Variants in ADGRB3 observed in about 807,000 individuals in gnomAD.
The protein encoded by ADGRB3 is brain-specific angiogenesis inhibitor 3.
In ADGRB3, 37 loss-of-function variants were observed where a neutral mutation model predicts 193.4. That is an observed-to-expected ratio of 0.19 (90% CI 0.15 to 0.25). The LOEUF (loss-of-function observed/expected upper bound fraction) is 0.25. Ranked by LOEUF, ADGRB3 falls within the 10% of genes least tolerant of loss-of-function variation. The probability of loss-of-function intolerance (pLI) is 1.00; values close to 1 mark genes in which losing one functional copy is unlikely to be tolerated. For synonymous variants in ADGRB3, 690 were observed against 644.2 expected (o/e 1.07, Z -1.08); for missense variants, 1,637 against 1,852.9 (o/e 0.88, Z 2.14).
chr6:68,797,018 C>T (rs1261310624), intron 3 of ADGRB3, among the ~76,000 whole-genome samples: 3 of 152,092 alleles, frequency 2.0e-5, no homozygotes, highest in Non-Finnish European at 2.9e-5. Context: ...TGGGAGAGGG[C>T]ATTCTATGGT....
intron 3 of ADGRB3, among the ~76,000 whole-genome samples, chr6:68,765,775 C>T (rs1401745604): frequency 6.6e-6 from 1 of 151,890 alleles, no homozygotes; most frequent in Non-Finnish European, 1.5e-5. Flanking sequence ...TGCCTCTTTT[C>T]CTATAGTATG....
intron 3 of ADGRB3, among the ~76,000 whole-genome samples, chr6:68,657,851 A>G (rs1346242226): frequency 1.3e-5 from 2 of 151,402 alleles, no homozygotes; most frequent in African/African-American, 2.4e-5. Context: ...GTATTTGATT[A>G]ATTAAACACA....
intron 3 of ADGRB3, among the ~76,000 whole-genome samples, chr6:68,759,178 A>G (rs1235249774): frequency 6.6e-6 from 1 of 152,142 alleles, no homozygotes; most frequent in Non-Finnish European, 1.5e-5. Context: ...GGGATATTTA[A>G]ATATGCTTTA....
chr6:68,887,821 C>G (rs1236555723), intron 3 of ADGRB3, among the ~76,000 whole-genome samples: 1 of 152,030 alleles, frequency 6.6e-6, no homozygotes, highest in Non-Finnish European at 1.5e-5. Context: ...AGTGGCTGCC[C>G]TATATTGCCA....
chr6:69,022,750 A>AG (rs1374832460), intron 13 of ADGRB3, among the ~76,000 whole-genome samples: 1 of 152,048 alleles, frequency 6.6e-6, no homozygotes, highest in African/African-American at 2.4e-5. Context: ...ATAGCATAAA[A>AG]CAAATAACAT....
chr6:68,812,159 T>C (rs1357918040), intron 3 of ADGRB3, among the ~76,000 whole-genome samples: 2 of 152,178 alleles, frequency 1.3e-5, no homozygotes, highest in Non-Finnish European at 2.9e-5. Flanking sequence ...TAGATTAACC[T>C]GATTACTGCA....
At chr6:68,916,558 C>T (rs1582312766) in intron 3 of ADGRB3, among the ~76,000 whole-genome samples, 1 of 152,096 alleles carries the variant, frequency 6.6e-6, no homozygotes, top group African/African-American at 2.4e-5. Flanking sequence ...AAAAACCAAA[C>T]AAAACACAGG....
At chr6:69,024,172 T>C (rs892442042) in intron 13 of ADGRB3, among the ~76,000 whole-genome samples, 2 of 152,048 alleles carry the variant, frequency 1.3e-5, no homozygotes, top group Admixed American at 6.6e-5. Flanking sequence ...TCAAAGTTGG[T>C]GTCAGAGTAA....
At chr6:69,362,801 T>G (rs1769480958) in intron 29 of ADGRB3, among the ~76,000 whole-genome samples, 1 of 151,984 alleles carries the variant, frequency 6.6e-6, no homozygotes, top group Admixed American at 6.6e-5. Context: ...GTTTCTTTAT[T>G]TGTAACTTGC....
chr6:69,080,170 C>A (rs527935874), intron 17 of ADGRB3, among the ~76,000 whole-genome samples: 2 of 152,140 alleles, frequency 1.3e-5, no homozygotes, highest in Non-Finnish European at 2.9e-5. Flanking sequence ...TAACTCCTAG[C>A]AAATATAAAA....
At chr6:69,233,821 C>CA (rs1766204418) in intron 18 of ADGRB3, among the ~76,000 whole-genome samples, 2 of 152,100 alleles carry the variant, frequency 1.3e-5, no homozygotes, top group Admixed American at 6.5e-5. Context: ...TGCATATCTG[C>CA]ATTGGATATT....
intron 3 of ADGRB3, among the ~76,000 whole-genome samples, chr6:68,787,201 G>A (rs1766993886): frequency 6.6e-6 from 1 of 152,116 alleles, no homozygotes; most frequent in Non-Finnish European, 1.5e-5. Context: ...TTGAATAGGA[G>A]TGGTGAGAGA....
chr6:68,883,406 CG>C (rs1177565510), intron 3 of ADGRB3, among the ~76,000 whole-genome samples: 2 of 152,212 alleles, frequency 1.3e-5, no homozygotes, highest in South Asian at 2.1e-4. Context: ...GCACCAGCTG[CG>C]GCAATCAGGT....
chr6:69,344,497 G>A (rs1272440748), intron 26 of ADGRB3, among the ~76,000 whole-genome samples: 1 of 152,062 alleles, frequency 6.6e-6, no homozygotes, highest in Non-Finnish European at 1.5e-5. Flanking sequence ...ATGTAAAAAA[G>A]ACAAGCATCC....
chr6:69,085,439 G>T (rs1772519499), intron 17 of ADGRB3, among the ~76,000 whole-genome samples: 1 of 151,956 alleles, frequency 6.6e-6, no homozygotes, highest in Non-Finnish European at 1.5e-5. Flanking sequence ...GGTAAGGATA[G>T]GCCCCTGGGT....
intron 3 of ADGRB3, among the ~76,000 whole-genome samples, chr6:68,692,277 A>C (rs972757593): frequency 2.0e-5 from 3 of 151,944 alleles, no homozygotes; most frequent in African/African-American, 7.2e-5. Context: ...TGCTGTTTAC[A>C]TATGGAATAA....
At chr6:69,211,099 G>A (rs1239127365) in intron 17 of ADGRB3, among the ~76,000 whole-genome samples, 1 of 152,206 alleles carries the variant, frequency 6.6e-6, no homozygotes, top group Admixed American at 6.5e-5. Context: ...TCCAGCCTGG[G>A]CGAGAGAGAG....
intron 11 of ADGRB3, among the ~76,000 whole-genome samples, chr6:68,999,409 C>T (rs143137826): frequency 1.3e-4 from 20 of 151,980 alleles, no homozygotes; most frequent in African/African-American, 4.1e-4. Context: ...GGGCTACAGA[C>T]GCCCGCCACC....
chr6:69,096,412 G>A (rs1772879455), intron 17 of ADGRB3, among the ~76,000 whole-genome samples: 1 of 128,944 alleles, frequency 7.8e-6, no homozygotes, highest in Non-Finnish European at 1.6e-5. Flanking sequence ...TCTTCTATAT[G>A]CATCTATTAT....
Sources: allele counts gnomAD v4.1 joint callset (sites outside exome capture counted in the v4.1 genomes callset), GRCh38; gene constraint gnomAD v4.1.1; transcripts MANE v1.5; gene names NCBI Gene and HGNC (gene_info 2026-07-23, HGNC 2026-07-21).